METAP1: variants seen among roughly 807,000 people sequenced by gnomAD.
METAP1 encodes methionine aminopeptidase 1.
METAP1 carries 28 observed loss-of-function variants against 53.8 expected under a neutral mutation model. The observed-to-expected ratio is 0.52, with a 90% CI of 0.39 to 0.71. The LOEUF (loss-of-function observed/expected upper bound fraction) is 0.71, where lower values mean the gene tolerates loss of function less well. Among genes scored for constraint, METAP1 ranks in the 30% least tolerant of loss-of-function variants. The probability of loss-of-function intolerance (pLI) is 0.00; values close to 1 mark genes in which losing one functional copy is unlikely to be tolerated. For synonymous variants in METAP1, 181 were observed against 165.7 expected (o/e 1.09, Z -0.71); for missense variants, 389 against 479.8 (o/e 0.81, Z 1.77).
intron 1 of METAP1, chr4:99,025,305 A>G: frequency 1.1e-6 from 1 of 898,758 alleles, no homozygotes; most frequent in Non-Finnish European, 1.3e-6. Context: ...GAAGCAAGAC[A>G]GAGTTGGTTA....
intron 8 of METAP1, among the ~76,000 whole-genome samples, chr4:99,046,740 T>A (rs1016414549): frequency 6.6e-6 from 1 of 152,034 alleles, no homozygotes; most frequent in Non-Finnish European, 1.5e-5. Context: ...TTTTTGTGTA[T>A]CAGGTGAAAT....
intron 10 of METAP1, among the ~76,000 whole-genome samples, chr4:99,058,734 C>A (rs1727325633): frequency 6.6e-6 from 1 of 152,214 alleles, no homozygotes; most frequent in Non-Finnish European, 1.5e-5. Context: ...CCAGCCCGCA[C>A]TCAAGGGGAG....
At chr4:99,041,725 C>G (rs576267950) in intron 6 of METAP1, among the ~76,000 whole-genome samples, 1 of 151,638 alleles carries the variant, frequency 6.6e-6, no homozygotes, top group African/African-American at 2.4e-5. Context: ...TTATAAAGAC[C>G]TAGTAAATTT....
chr4:99,045,378 G>A, intron 8 of METAP1, 68 bp downstream of exon 8: 5 of 1,560,376 alleles, frequency 3.2e-6, no homozygotes, highest in Non-Finnish European at 4.4e-6. Flanking sequence ...ACTGGGCGCT[G>A]CAGTTCTGTG....
chr4:99,059,226 C>T (rs1392756244), intron 10 of METAP1, among the ~76,000 whole-genome samples: 1 of 152,180 alleles, frequency 6.6e-6, no homozygotes, highest in African/African-American at 2.4e-5. Context: ...ACTAGAAAGT[C>T]TCAAATCTGC....
chr4:99,054,375 T>C (rs1726945181), intron 9 of METAP1, among the ~76,000 whole-genome samples: 1 of 152,210 alleles, frequency 6.6e-6, no homozygotes, highest in Non-Finnish European at 1.5e-5. Context: ...TTCTGCAGCT[T>C]TGTCACCTCT....
At chr4:99,023,310 C>T in intron 1 of METAP1, 1 of 666,756 alleles carries the variant, frequency 1.5e-6, no homozygotes, top group Admixed American at 5.2e-5. Context: ...GCTCGTTTGT[C>T]AGATTATTTC....
chr4:99,005,272 C>G (rs1170483171), intron 1 of METAP1, among the ~76,000 whole-genome samples: 1 of 151,798 alleles, frequency 6.6e-6, no homozygotes, highest in Non-Finnish European at 1.5e-5. Flanking sequence ...ACAAGGAACT[C>G]AAACAAATCA....
At chr4:99,023,517 A>G (rs115075905) in intron 1 of METAP1, 2 of 985,296 alleles carry the variant, frequency 2.0e-6, no homozygotes, top group East Asian at 1.1e-4. Context: ...TCACACTCTC[A>G]TCAACATGAA....
intron 2 of METAP1, among the ~76,000 whole-genome samples, chr4:99,033,157 T>C (rs547237320): frequency 6.6e-6 from 1 of 152,304 alleles, no homozygotes; most frequent in South Asian, 2.1e-4. Flanking sequence ...CAACACTATA[T>C]TGTCTTTAAG....
At chr4:99,057,689 G>T in intron 9 of METAP1, 64 bp from the exon 10 acceptor site, 1 of 1,150,264 alleles carries the variant, frequency 8.7e-7, no homozygotes. Flanking sequence ...ACTCTTTCTA[G>T]TTAGCTGTTC....
At chr4:99,007,847 C>T (rs1441456368) in intron 1 of METAP1, among the ~76,000 whole-genome samples, 1 of 152,204 alleles carries the variant, frequency 6.6e-6, no homozygotes. Flanking sequence ...TGATAAAACA[C>T]ATTCCCTAAT....
chr4:99,056,987 T>C (rs1333653080), intron 9 of METAP1, among the ~76,000 whole-genome samples: 3 of 152,124 alleles, frequency 2.0e-5, no homozygotes, highest in Non-Finnish European at 4.4e-5. Flanking sequence ...TGCTTCAGCC[T>C]CTTGAGTAGC....
intron 1 of METAP1, among the ~76,000 whole-genome samples, chr4:99,020,090 G>T (rs1054416110): frequency 6.6e-6 from 1 of 152,062 alleles, no homozygotes; most frequent in South Asian, 2.1e-4. Flanking sequence ...TATTTTGACC[G>T]GCAGGGTAAT....
At chr4:99,030,170 A>G (rs1182429146) in intron 2 of METAP1, among the ~76,000 whole-genome samples, 2 of 152,194 alleles carry the variant, frequency 1.3e-5, no homozygotes, top group African/African-American at 2.4e-5. Context: ...TTGGTAAGTA[A>G]TAAAGGGTTG....
At chr4:99,007,500 A>G (rs1387049563) in intron 1 of METAP1, among the ~76,000 whole-genome samples, 1 of 151,702 alleles carries the variant, frequency 6.6e-6, no homozygotes, top group Non-Finnish European at 1.5e-5. Context: ...TTACCTGATA[A>G]TTATTTCAGT....
intron 1 of METAP1, among the ~76,000 whole-genome samples, chr4:98,999,371 C>T (rs1722810645): frequency 6.6e-6 from 1 of 151,682 alleles, no homozygotes; most frequent in African/African-American, 2.4e-5. Context: ...TAATACCTAT[C>T]TCAGGGTTTT....
intron 6 of METAP1, among the ~76,000 whole-genome samples, chr4:99,042,737 A>G (rs1162753828): frequency 6.6e-6 from 1 of 152,078 alleles, no homozygotes; most frequent in Admixed American, 6.6e-5. Flanking sequence ...TCTAAAGTAA[A>G]ATCTTCATAT....
chr4:99,022,280 G>T, intron 1 of METAP1: 1 of 610,382 alleles, frequency 1.6e-6, no homozygotes, highest in Non-Finnish European at 2.4e-6. Flanking sequence ...AACAGAGCAG[G>T]GCCAGGAGAT....
Sources: allele counts gnomAD v4.1 joint callset (sites outside exome capture counted in the v4.1 genomes callset), GRCh38; gene constraint gnomAD v4.1.1; transcripts MANE v1.5; gene names NCBI Gene and HGNC (gene_info 2026-07-23, HGNC 2026-07-21).